HRNR: variants seen among roughly 807,000 people sequenced by gnomAD.
HRNR encodes filaggrin family member 3.
A neutral mutation model predicts 4.8 loss-of-function variants in HRNR; 7 were observed. That is an observed-to-expected ratio of 1.47 (90% CI 0.83 to 2.75). HRNR has a LOEUF of 2.75. Among genes scored for constraint, HRNR ranks in the 30% most tolerant of loss-of-function variants. The pLI, the probability that HRNR is intolerant of heterozygous loss-of-function variation, is 0.00. For synonymous variants in HRNR, 1,023 were observed against 1,242.7 expected, an observed-to-expected ratio of 0.82 and a Z score of 3.72; for missense variants, 2,879 against 3,010.4, an observed-to-expected ratio of 0.96 and a Z score of 1.02.
In HRNR at chr1:152,223,218, G is replaced by A. The variant is rs1211579805; in HGVS notation, c.36C>T (p.Ile12=). ...GGGTGGCATATTGGTAGAAAACATCGATGACAGTGATGACGCCTTGTAGGA... is the reference window on the plus strand; with the variant it reads ...GGGTGGCATATTGGTAGAAAACATCAATGACAGTGATGACGCCTTGTAGGA... ...PKLLQGVITV[I]DVFYQYATQH... is the part of the protein sequence containing the mutation. Residue 12 remains isoleucine (I), a synonymous_variant, in exon 2 of 3, where the codon ATC becomes ATT. Transcript: ENST00000368801. The A allele has an allele frequency of 9.3e-6, 15 of 1,612,588 alleles. No homozygotes were observed. Among genetic ancestry groups the A allele is most frequent in the East Asian group, 2.2e-5 (1 of 44,790 alleles).
chr1:152,220,537 A>G lies in HRNR; in HGVS notation c.1092T>C (p.His364=), dbSNP rs765482568. The change falls in exon 3 of 3, where the codon CAT becomes CAC. Residue 364 remains histidine (H), a synonymous_variant. Transcript: ENST00000368801. ...GSGQSSGYSK[H]GSGSGHSSSQ... is the part of the protein sequence containing the mutation. The stretch of plus-strand genomic sequence containing the variant: ...TAGAGGAGTGACCTGAGCCAGAACC[A>G]TGCTTACTATAGCCAGAGGACTGTC... The G allele has an allele frequency of 1.4e-5, 22 of 1,611,492 alleles. No individual in the cohort carries two copies. Among genetic ancestry groups the G allele is most frequent in the Non-Finnish European group, 1.8e-5 (21 of 1,178,386 alleles).
At chr1:152,221,781 T>G (rs1201767317) in intron 2 of HRNR, among the ~76,000 whole-genome samples, 1 of 152,198 alleles carries the variant, frequency 6.6e-6, no homozygotes, top group Non-Finnish European at 1.5e-5. Flanking sequence ...ATTAGCTAAT[T>G]TATAAGTAAT....
rs999231454 is a variant in HRNR at position 152,219,753 on chromosome 1, G to A, written c.1876C>T (p.His626Tyr). 1 of 1,613,622 alleles carries A rather than the reference G, an allele frequency of 6.2e-7. No individual in the cohort carries two copies. Among genetic ancestry groups the A allele is most frequent in the South Asian group, 1.1e-5 (1 of 91,074 alleles). Residue 626 changes from histidine to tyrosine, a missense_variant, in exon 3 of 3, where the codon CAT becomes TAT. Physicochemically the swap from His to Tyr is moderately conservative, Grantham distance 83. Transcript: ENST00000368801. ...GAAGACTGACCTGAGGTAGCTCCAT[G>A]TTGGCCACAGCTCGATGACTGTCCT... ...TSGQSSSCGQ[H>Y]GATSGQSSSH...
chr1:152,212,933 G>T lies in HRNR; in HGVS notation c.*143C>A. 2 of 1,124,318 alleles carry T rather than the reference G, an allele frequency of 1.8e-6. No homozygotes were observed. The highest frequency in any genetic ancestry group is 2.5e-6 in the Non-Finnish European group (2 of 805,310). 69.6% of individuals were successfully genotyped at this position (1,124,318 alleles called of 1,614,324 possible). On this transcript the variant is annotated 3_prime_UTR_variant, in exon 3 of 3. Coordinates refer to ENST00000368801, the MANE Select transcript of HRNR (RefSeq NM_001009931.3). The stretch of plus-strand genomic sequence containing the variant: ...AACAAGATATATGCTACAGTTTTAG[G>T]CTCTAAAGAAAGAGACAGAAATGCA...
rs1327401917 is a variant in HRNR, at chr1:152,220,425, G to T, written c.1204C>A (p.Gln402Lys). The T allele has an allele frequency of 5.6e-6, 9 of 1,614,110 alleles. No homozygotes were observed. Among genetic ancestry groups the T allele is most frequent in the Non-Finnish European group, 7.6e-6 (9 of 1,179,998 alleles). The change falls in exon 3 of 3, where the codon CAG becomes AAG. Residue 402 changes from glutamine (Q) to lysine (K), a missense_variant. By Grantham distance (53) the Gln-to-Lys change is moderately conservative. Transcript: ENST00000368801. ...GAGTGACGGGAGGCAGACTCATGCT[G>T]ACCATAGCTGGAAGACTGACGTGAG... ...SSSRQSSSYG[Q>K]HESASRHSSG...
chr1:152,218,974 A>G lies in HRNR; in HGVS notation c.2655T>C (p.Ser885=), dbSNP rs144495868. Residue 885 remains serine (S), a synonymous_variant, in exon 3 of 3, where the codon TCT becomes TCC. Coordinates refer to ENST00000368801, the MANE Select transcript of HRNR (RefSeq NM_001009931.3). ...CGTGGCCTGGAGACTGGCCAGATCC[A>G]GAGCCATGTCGGCCGCGGCCCGAAG... is the stretch of plus-strand genomic sequence containing the variant. The part of the protein sequence containing the change: ...HHASGRGRHG[S]GSGQSPGHGQ... The G allele has an allele frequency of 3.1e-6, 5 of 1,608,638 alleles. No homozygotes were observed. In the African/African-American group the frequency reaches 4.0e-5, roughly 13 times the overall value.
intron 2 of HRNR, 80 bp from the exon 3 acceptor site, chr1:152,221,570 A>G: frequency 9.0e-7 from 1 of 1,109,330 alleles, no homozygotes; most frequent in Non-Finnish European, 1.3e-6. Flanking sequence ...GAAAGATGTG[A>G]AAATGTAAAT....
At position 152,213,240 on chromosome 1, in the gene HRNR, C is replaced by T; in HGVS notation, c.8389G>A (p.Gly2797Ser). The change falls in exon 3 of 3, where the codon GGT becomes AGT. Residue 2797 changes from glycine to serine, a missense_variant. Around this residue, in one of 8 missense-constraint regions of HRNR, gnomAD observed 158 missense variants for 107.6 expected, o/e 1.47. Coordinates refer to ENST00000368801, the MANE Select transcript of HRNR (RefSeq NM_001009931.3). The part of the protein sequence containing the change: ...QHGSGSGQSS[G>S]YSQHGSGSGQ... ...GAGCCACTTCCATGCTGACTATAAC[C>T]AGAGGACTGTCCTGAGCCAGACCCA... 1.9e-6 allele frequency: 3 copies of T among 1,612,888 alleles called. No individual in the cohort carries two copies. Among genetic ancestry groups the T allele is most frequent in the Non-Finnish European group, 2.5e-6 (3 of 1,179,416 alleles).
rs1648435599 is a variant in HRNR, at chr1:152,212,781, A to G, written c.*295T>C. 2.3e-6 allele frequency: 1 copy of G among 436,078 alleles called. No homozygotes were observed. The highest frequency in any genetic ancestry group is 3.0e-5 in the South Asian group (1 of 32,942). 27.0% of individuals were successfully genotyped at this position (436,078 alleles called of 1,614,324 possible). A position where few individuals can be genotyped will look rare whatever the true frequency, so the allele number is the denominator to read the frequency against. The stretch of plus-strand genomic sequence containing the variant: ...GCTCTCAAAAAGACAACTCCAACTA[A>G]ACCCAAAGCTCTTTAAAAGCTTTTC... On this transcript the variant is annotated 3_prime_UTR_variant, in exon 3 of 3. Transcript: ENST00000368801.
In HRNR at chr1:152,220,343, C is replaced by G; in HGVS notation, c.1286G>C (p.Arg429Pro). 1 of 1,613,114 alleles carries G rather than the reference C, an allele frequency of 6.2e-7. No individual in the cohort carries two copies. The highest frequency in any genetic ancestry group is 1.1e-5 in the South Asian group (1 of 90,690). The change falls in exon 3 of 3, where the codon CGT becomes CCT. Residue 429 changes from arginine to proline, a missense_variant. Transcript: ENST00000368801. ...GSGQSPGHGQ[R>P]GSGSGQSPSS... ...GGGAGACTGCCCTGACCCAGACCCACGCTGGCCGTGGCCTGGAGACTGGCC... is the reference window on the plus strand; with the variant it reads ...GGGAGACTGCCCTGACCCAGACCCAGGCTGGCCGTGGCCTGGAGACTGGCC...
At position 152,218,762 on chromosome 1, in the gene HRNR, C is replaced by G. The variant is rs1345914891; in HGVS notation, c.2867G>C (p.Ser956Thr). The G allele has an allele frequency of 1.5e-5, 24 of 1,613,850 alleles. No homozygotes were observed. The East Asian group carries it at 4.9e-4, about 33-fold the overall frequency. ...TGACCTAGAGCCGTGTTGTTCGTAG[C>G]TGGAGGAGTGACCTGAGCCAGATCC... Reference protein sequence around the residue: ...QHGSGSGHSSSYEQHGSRSGQ... With the variant: ...QHGSGSGHSSTYEQHGSRSGQ... The change falls in exon 3 of 3, where the codon AGC becomes ACC. Residue 956 changes from serine (S) to threonine (T), a missense_variant. Physicochemically the swap from Ser to Thr is moderately conservative, Grantham distance 58 (BLOSUM62 1). Coordinates refer to ENST00000368801, the MANE Select transcript of HRNR (RefSeq NM_001009931.3).
In HRNR at chr1:152,220,862, C is replaced by T; in HGVS notation, c.767G>A (p.Gly256Asp). ...TGACCTAGAGCCGTGTTGTCCGTAG[C>T]CAGAGGAGTGACCTGAGCCAGATCC... ...QHGSGSGHSS[G>D]YGQHGSRSGQ... Residue 256 changes from glycine (G) to aspartate (D), a missense_variant, in exon 3 of 3, where the codon GGC (glycine) becomes GAC (aspartate). Physicochemically the swap from Gly to Asp is moderately conservative, Grantham distance 94. Transcript: ENST00000368801. The T allele has an allele frequency of 1.9e-6, 3 of 1,614,008 alleles. No individual in the cohort carries two copies. The highest frequency in any genetic ancestry group is 3.3e-4 in the Middle Eastern group (2 of 6,062).
chr1:152,212,734 A>G lies in HRNR; in HGVS notation c.*342T>C. The stretch of plus-strand genomic sequence containing the variant: ...TAAGAAATGTAAGGTTAGCTTTGGC[A>G]CCATCTATAAATGAATGATGAGCTC... On this transcript the variant is annotated 3_prime_UTR_variant, in exon 3 of 3. Coordinates refer to ENST00000368801, the MANE Select transcript of HRNR (RefSeq NM_001009931.3). The G allele has an allele frequency of 3.1e-6, 1 of 317,492 alleles. No homozygotes were observed. Among genetic ancestry groups the G allele is most frequent in the South Asian group, 4.5e-5 (1 of 22,192 alleles). 19.7% of individuals were successfully genotyped at this position (317,492 alleles called of 1,614,324 possible). A position where few individuals can be genotyped will look rare whatever the true frequency, so the allele number is the denominator to read the frequency against.
At position 152,218,250 on chromosome 1, in the gene HRNR, C is replaced by T. The variant is rs201574853; in HGVS notation, c.3379G>A (p.Gly1127Ser). ...RQGSGSGQSP[G>S]HGQRGSGSRQ... ...GACCCAGACCCACGCTGGCCGTGGC[C>T]TGGAGACTGGCCAGATCCAGAGCCC... The change falls in exon 3 of 3, where the codon GGC (glycine) becomes AGC (serine). Residue 1127 changes from glycine to serine, a missense_variant. Around this residue, in one of 8 missense-constraint regions of HRNR, gnomAD observed 26 missense variants for 79.4 expected, o/e 0.33. Transcript: ENST00000368801. 20,982 of 1,574,246 alleles carry T rather than the reference C, an allele frequency of 0.013. 210 individuals are homozygous for T. The highest frequency in any genetic ancestry group is 0.016 in the Non-Finnish European group (18,213 of 1,161,150).
chr1:152,219,114 A>G lies in HRNR; in HGVS notation c.2515T>C (p.Ser839Pro), dbSNP rs1648818828. 9.3e-6 allele frequency: 15 copies of G among 1,613,842 alleles called. No homozygotes were observed. Among genetic ancestry groups the G allele is most frequent in the Non-Finnish European group, 1.2e-5 (14 of 1,180,024 alleles). The change falls in exon 3 of 3, where the codon TCT becomes CCT. Residue 839 changes from serine (S) to proline (P), a missense_variant. Physicochemically the swap from Ser to Pro is moderately conservative, Grantham distance 74 (BLOSUM62 -1). Transcript: ENST00000368801. ...GTAGATCCATGTCGTCCCTGGCTAG[A>G]GAAGTGACCTGAGGCAGAACCATGC... The part of the protein sequence containing the change: ...SQHGSASGHF[S>P]SQGRHGSTSG...
Position 152,219,254 on chromosome 1 carries a change from C to G in HRNR, c.2375G>C (p.Gly792Ala), listed in dbSNP as rs758335552. 1.4e-5 allele frequency: 22 copies of G among 1,613,126 alleles called. No homozygotes were observed. The highest frequency in any genetic ancestry group is 1.6e-5 in the Non-Finnish European group (19 of 1,179,380). ...GSSSGHSSSH[G>A]QHGSGTSCSS... is the part of the protein sequence containing the mutation. ...ACAACTTGTGCCAGACCCGTGTTGG[C>G]CGTGGCTGGAGGAGTGCCCTGAACT... The change falls in exon 3 of 3, where the codon GGC becomes GCC. Residue 792 changes from glycine (G) to alanine (A), a missense_variant. Transcript: ENST00000368801.
chr1:152,219,109 G>A lies in HRNR; in HGVS notation c.2520C>T (p.Ser840=). 6.2e-7 allele frequency: 1 copy of A among 1,613,880 alleles called. No individual in the cohort carries two copies. The highest frequency in any genetic ancestry group is 1.7e-5 in the Admixed American group (1 of 59,998). The change falls in exon 3 of 3, where the codon AGC becomes AGT. Residue 840 remains serine, a synonymous_variant. Transcript: ENST00000368801. ...QHGSASGHFS[S]QGRHGSTSGQ... ...CTGACGTAGATCCATGTCGTCCCTG[G>A]CTAGAGAAGTGACCTGAGGCAGAAC...
chr1:152,218,734 T>C lies in HRNR; in HGVS notation c.2895A>G (p.Gly965=). The change falls in exon 3 of 3, where the codon GGA becomes GGG. Residue 965 remains glycine (G), a synonymous_variant. Coordinates refer to ENST00000368801, the MANE Select transcript of HRNR (RefSeq NM_001009931.3). ...CATGTTGTTCGCTCCTAGATGACTGTCCTGACCTAGAGCCGTGTTGTTCGT... is the reference window on the plus strand; with the variant it reads ...CATGTTGTTCGCTCCTAGATGACTGCCCTGACCTAGAGCCGTGTTGTTCGT... The part of the protein sequence containing the change: ...SSYEQHGSRS[G]QSSRSEQHGS... The C allele has an allele frequency of 6.2e-7, 1 of 1,612,752 alleles. No homozygotes were observed. Among genetic ancestry groups the C allele is most frequent in the Non-Finnish European group, 8.5e-7 (1 of 1,179,772 alleles).
chr1:152,218,410 G>T lies in HRNR; in HGVS notation c.3219C>A (p.Ser1073=), dbSNP rs763250563. ...TAGAACCGTGTTGCCCATGGGTAGA[G>T]GAATGACCTGAGCTAGATCCATGTT... is the stretch of plus-strand genomic sequence containing the variant. ...YGQHGSSSGH[S]STHGQHGSTS... Residue 1073 remains serine, a synonymous_variant, in exon 3 of 3, where the codon TCC becomes TCA. Transcript: ENST00000368801. 3 of 1,613,354 alleles carry T rather than the reference G, an allele frequency of 1.9e-6. No homozygotes were observed. The highest frequency in any genetic ancestry group is 2.5e-6 in the Non-Finnish European group (3 of 1,180,006).
Sources: gnomAD v4.1 joint callset for allele counts (sites outside exome capture counted in the v4.1 genomes callset) on GRCh38, gnomAD v4.1.1 for gene constraint, gnomAD v4.1.1 regional missense constraint, MANE v1.5 for transcripts, NCBI Gene and HGNC (gene_info 2026-07-23, HGNC 2026-07-21) for gene names.